Variants in RPUSD4 observed in about 807,000 individuals in gnomAD.
RPUSD4 encodes the protein pseudouridylate synthase RPUSD4, mitochondrial.
In RPUSD4, 37 loss-of-function variants were observed where a neutral mutation model predicts 35.4. That is an observed-to-expected ratio of 1.04 (90% CI 0.80 to 1.37). The LOEUF (loss-of-function observed/expected upper bound fraction) is 1.37, where lower values mean the gene tolerates loss of function less well. Among genes scored for constraint, RPUSD4 ranks in the 40% most tolerant of loss-of-function variants. RPUSD4 has a pLI of 0.00. For missense variants in RPUSD4, 507 were observed against 484.9 expected (o/e 1.05, Z -0.43); for synonymous variants, 210 against 192.7 (o/e 1.09, Z -0.74).
At chr11:126,206,992 C>G (rs2135100291) in intron 3 of RPUSD4, among the ~76,000 whole-genome samples, 1 of 152,160 alleles carries the variant, frequency 6.6e-6, no homozygotes, top group South Asian at 2.1e-4. Flanking sequence ...GAATGGTTAC[C>G]AATTTTGAAC....
intron 3 of RPUSD4, chr11:126,209,138 T>C (rs1949810876): frequency 1.1e-5 from 2 of 174,646 alleles, no homozygotes; most frequent in Admixed American, 6.0e-5. Flanking sequence ...ACTACAGGTA[T>C]GTGCCACTAT....
Position 126,203,291 on chromosome 11 carries a change from T to A in RPUSD4, c.*127A>T. 1 of 1,410,970 alleles carries A rather than the reference T, an allele frequency of 7.1e-7. No homozygotes were observed. Among genetic ancestry groups the A allele is most frequent in the Admixed American group, 2.0e-5 (1 of 51,002 alleles). The allele number at this position is 1,410,970 out of a possible 1,614,324, so 87.4% of individuals were successfully genotyped here. ...CCCACCTGGCTCTTACGCAGTCTGT[T>A]CCAAGTGAGAAGTTAGCAGAGTCCT... On this transcript the variant is annotated 3_prime_UTR_variant, in exon 7 of 7. Transcript: ENST00000298317.
chr11:126,209,795 G>C, intron 2 of RPUSD4, 73 bp from the exon 3 acceptor site: 3 of 1,227,408 alleles, frequency 2.4e-6, no homozygotes, highest in Non-Finnish European at 3.5e-6. Context: ...TGGGAGAAAA[G>C]CCCTTAATGG....
chr11:126,204,247 T>C lies in RPUSD4; in HGVS notation c.878A>G (p.Asn293Ser), dbSNP rs1481603353. ...TAGTATTACCTGGGGGGCCAACCTA[T>C]TCCAGTCTGAGTACTTGTGATCACC... The part of the protein sequence containing the change: ...ILGDHKYSDW[N>S]RLAPQKLSVG... The change falls in exon 6 of 7, where the codon AAT (asparagine) becomes AGT (serine). Residue 293 changes from asparagine (N) to serine (S), a missense_variant. Transcript: ENST00000298317. The C allele has an allele frequency of 3.7e-6, 6 of 1,613,438 alleles. 1 individual carries two copies. In the Admixed American group the frequency reaches 1.0e-4, roughly 27 times the overall value.
At chr11:126,208,024 C>CTTT (rs552761189) in intron 3 of RPUSD4, among the ~76,000 whole-genome samples, 3 of 145,950 alleles carry the variant, frequency 2.1e-5, no homozygotes, top group Non-Finnish European at 3.0e-5. Flanking sequence ...TAGAAAATAT[C>CTTT]TTTTTTTTTT....
intron 1 of RPUSD4, 146 bp downstream of exon 1, chr11:126,211,304 T>A: frequency 9.9e-7 from 1 of 1,011,526 alleles, no homozygotes; most frequent in Non-Finnish European, 1.5e-6. Context: ...TACTGACCCC[T>A]CCCCTCCGCC....
At chr11:126,203,760 C>A (rs1056477385) in intron 6 of RPUSD4, 103 bp from the exon 7 acceptor site, 3 of 1,411,548 alleles carry the variant, frequency 2.1e-6, no homozygotes, top group Non-Finnish European at 2.8e-6. Context: ...CAAAACTAAC[C>A]CCCTGGAAGA....
In RPUSD4 at chr11:126,209,537, C is replaced by G; in HGVS notation, c.541G>C (p.Val181Leu). Residue 181 changes from valine (V) to leucine (L), a missense_variant, in exon 3 of 7, where the codon GTG becomes CTG. Coordinates refer to ENST00000298317, the MANE Select transcript of RPUSD4 (RefSeq NM_032795.3). ...QVQELFRTRQ[V>L]VKKYWAITVH... Reference sequence around the variant, plus strand: ...GCCTCATACCAGTACTTCTTCACCACCTGACGGGTTCTAAACAACTCTTGG... The same window carrying G: ...GCCTCATACCAGTACTTCTTCACCAGCTGACGGGTTCTAAACAACTCTTGG... 1 of 1,614,216 alleles carries G rather than the reference C, an allele frequency of 6.2e-7. No homozygotes were observed. Among genetic ancestry groups the G allele is most frequent in the Non-Finnish European group, 8.5e-7 (1 of 1,180,044 alleles).
At position 126,211,624 on chromosome 11, in the gene RPUSD4, C is replaced by G; in HGVS notation, c.15G>C (p.Arg5Ser). 6.2e-7 allele frequency: 1 copy of G among 1,613,032 alleles called. No homozygotes were observed. Among genetic ancestry groups the G allele is most frequent in the South Asian group, 1.1e-5 (1 of 91,050 alleles). The change falls in exon 1 of 7, where the codon AGG (arginine) becomes AGC (serine). Residue 5 changes from arginine (R) to serine (S), a missense_variant. Transcript: ENST00000298317. MAAP[R>S]WSASGPWIRG... ...GGATCCAGGGGCCCGACGCGCTCCA[C>G]CTGGGCGCCGCCATCTTACAAGGAA...
chr11:126,207,421 T>A (rs995538472), intron 3 of RPUSD4, among the ~76,000 whole-genome samples: 1 of 152,254 alleles, frequency 6.6e-6, no homozygotes, highest in African/African-American at 2.4e-5. Context: ...AGAACTTCTG[T>A]GGGTAAGTCT....
chr11:126,211,612 C>G lies in RPUSD4; in HGVS notation c.27G>C (p.Ser9=). 1 of 1,613,760 alleles carries G rather than the reference C, an allele frequency of 6.2e-7. No homozygotes were observed. Among genetic ancestry groups the G allele is most frequent in the East Asian group, 2.2e-5 (1 of 44,850 alleles). MAAPRWSA[S]GPWIRGNGQG... ...GGCCGTTTCCCCGGATCCAGGGGCC[C>G]GACGCGCTCCACCTGGGCGCCGCCA... The change falls in exon 1 of 7, where the codon TCG becomes TCC. Residue 9 remains serine, a synonymous_variant. Coordinates refer to ENST00000298317, the MANE Select transcript of RPUSD4 (RefSeq NM_032795.3).
intron 4 of RPUSD4, 34 bp from the exon 5 acceptor site, chr11:126,205,646 G>C (rs778585315): frequency 6.2e-7 from 1 of 1,613,656 alleles, no homozygotes; most frequent in South Asian, 1.1e-5. Flanking sequence ...TGATTCCCAA[G>C]GAAGAGCAGC....
rs1202924143 is a variant in RPUSD4, at chr11:126,210,801, T to C, written c.355+89A>G. 3.8e-6 allele frequency: 5 copies of C among 1,323,096 alleles called. No homozygotes were observed. The East Asian group carries it at 1.2e-4, about 31-fold the overall frequency. 82.0% of individuals were successfully genotyped at this position (1,323,096 alleles called of 1,614,324 possible). ...TTTAATTAATTTGAATGCAAGGCTT[T>C]AGAGTGCACCACAAGTAACGTCTCA... On this transcript the variant is annotated intron_variant, in intron 2 of 6. Transcript: ENST00000298317.
intron 5 of RPUSD4, 136 bp downstream of exon 5, chr11:126,205,332 C>G: frequency 9.7e-7 from 1 of 1,035,814 alleles, no homozygotes; most frequent in Non-Finnish European, 1.4e-6. Context: ...CTCTGGGAGT[C>G]CCCGGCCTCA....
intron 6 of RPUSD4, 58 bp downstream of exon 6, chr11:126,204,173 A>G: frequency 8.4e-7 from 1 of 1,192,882 alleles, no homozygotes; most frequent in Non-Finnish European, 1.2e-6. Flanking sequence ...AGTTTTAAGA[A>G]AAGGAACGCC....
intron 5 of RPUSD4, 52 bp downstream of exon 5, chr11:126,205,416 A>G: frequency 6.2e-7 from 1 of 1,608,666 alleles, no homozygotes; most frequent in Non-Finnish European, 8.5e-7. Flanking sequence ...CCTGGACAAA[A>G]CCTGGTGGCA....
intron 2 of RPUSD4, among the ~76,000 whole-genome samples, chr11:126,210,659 G>A (rs2135106887): frequency 6.6e-6 from 1 of 151,932 alleles, no homozygotes; most frequent in South Asian, 2.1e-4. Flanking sequence ...CCTGTAGTCT[G>A]CACACAGCGT....
intron 5 of RPUSD4, among the ~76,000 whole-genome samples, chr11:126,204,851 T>A (rs1393392119): frequency 2.6e-5 from 4 of 152,150 alleles, no homozygotes; most frequent in African/African-American, 9.7e-5. Context: ...TTATCTCCCC[T>A]CCTTTACCCT....
rs1420617063 is a variant in RPUSD4 at position 126,209,595 on chromosome 11, C to T, written c.483G>A (p.Val161=). Residue 161 remains valine (V), a synonymous_variant, in exon 3 of 7, where the codon GTG becomes GTA. Coordinates refer to ENST00000298317, the MANE Select transcript of RPUSD4 (RefSeq NM_032795.3). Reference sequence around the variant, plus strand: ...GTGCCATGTCCTTGTCCCAAGCCAACACCATTACACCTGTGGTTTCCTTGT... The same window carrying T: ...GTGCCATGTCCTTGTCCCAAGCCAATACCATTACACCTGTGGTTTCCTTGT... ...RLDKETTGVM[V]LAWDKDMAHQ... 1.9e-6 allele frequency: 3 copies of T among 1,614,120 alleles called. No homozygotes were observed. Among genetic ancestry groups the T allele is most frequent in the African/African-American group, 1.3e-5 (1 of 74,938 alleles).
Sources: gnomAD v4.1 joint callset for allele counts (sites outside exome capture counted in the v4.1 genomes callset) on GRCh38, gnomAD v4.1.1 for gene constraint, MANE v1.5 for transcripts, NCBI Gene and HGNC (gene_info 2026-07-23, HGNC 2026-07-21) for gene names.